Variants in TUT4 observed in about 807,000 individuals in gnomAD.
TUT4 encodes terminal uridylyl transferase 4.
TUT4 carries 36 observed loss-of-function variants against 192.2 expected under a neutral mutation model. That is an observed-to-expected ratio of 0.19 (90% CI 0.14 to 0.25). TUT4 has a LOEUF of 0.25. Among genes scored for constraint, TUT4 ranks in the 10% least tolerant of loss-of-function variants. The pLI is 1.00. For synonymous variants in TUT4, 618 were observed against 666.0 expected (o/e 0.93, Z 1.11); for missense variants, 1,493 against 1,957.2 (o/e 0.76, Z 4.47).
intron 20 of TUT4, among the ~76,000 whole-genome samples, chr1:52,450,870 T>C (rs966266805): frequency 5.3e-5 from 8 of 151,840 alleles, no homozygotes; most frequent in Admixed American, 5.3e-4. Flanking sequence ...AAATTTGTGG[T>C]CCATTTTTGT....
At chr1:52,521,194 A>G (rs1680177698) in intron 2 of TUT4, among the ~76,000 whole-genome samples, 1 of 152,236 alleles carries the variant, frequency 6.6e-6, no homozygotes, top group South Asian at 2.1e-4. Context: ...CATCACTTAT[A>G]TATTCCTAAT....
chr1:52,501,443 C>T (rs1444791192), intron 4 of TUT4, among the ~76,000 whole-genome samples: 5 of 98,398 alleles, frequency 5.1e-5, no homozygotes, highest in African/African-American at 8.1e-5. Flanking sequence ...TATGGGGGGG[C>T]GGGGGGAGGC....
intron 1 of TUT4, among the ~76,000 whole-genome samples, chr1:52,534,340 C>T (rs1014751288): frequency 6.6e-6 from 1 of 152,078 alleles, no homozygotes; most frequent in African/African-American, 2.4e-5. Flanking sequence ...CCAAACTGAA[C>T]GTGATCAAAA....
chr1:52,448,936 G>A (rs1427168095), intron 20 of TUT4, among the ~76,000 whole-genome samples: 1 of 152,144 alleles, frequency 6.6e-6, no homozygotes, highest in African/African-American at 2.4e-5. Context: ...TAACACAGTG[G>A]AGTAGGTCTG....
chr1:52,438,967 G>A (rs2148312462), intron 24 of TUT4, among the ~76,000 whole-genome samples: 1 of 151,900 alleles, frequency 6.6e-6, no homozygotes, highest in South Asian at 2.1e-4. Flanking sequence ...CTATTCAGGA[G>A]GAAGAGACAG....
chr1:52,513,410 A>G (rs1225295767), intron 3 of TUT4, among the ~76,000 whole-genome samples: 14 of 150,486 alleles, frequency 9.3e-5, no homozygotes, highest in Admixed American at 7.3e-4. Context: ...AAAAAAAAAA[A>G]AAAAGTACAA....
At chr1:52,486,274 C>G (rs879855393) in intron 9 of TUT4, among the ~76,000 whole-genome samples, 5 of 152,026 alleles carry the variant, frequency 3.3e-5, no homozygotes, top group African/African-American at 4.8e-5. Context: ...TTACATTAAC[C>G]ACGACAAGTG....
intron 1 of TUT4, among the ~76,000 whole-genome samples, chr1:52,528,910 A>G (rs942004257): frequency 5.9e-5 from 9 of 151,952 alleles, no homozygotes; most frequent in African/African-American, 1.9e-4. Flanking sequence ...ACAAAGTCTC[A>G]CTATGTTGCT....
chr1:52,529,553 G>T (rs1318403802), intron 1 of TUT4, among the ~76,000 whole-genome samples: 1 of 151,960 alleles, frequency 6.6e-6, no homozygotes, highest in East Asian at 1.9e-4. Context: ...AATTTTTAAT[G>T]CTAGTCTGCT....
At chr1:52,454,304 G>A (rs1385830207) in intron 20 of TUT4, among the ~76,000 whole-genome samples, 2 of 152,152 alleles carry the variant, frequency 1.3e-5, no homozygotes, top group African/African-American at 4.8e-5. Flanking sequence ...CTGCAAGACT[G>A]ATGCAACCCA....
chr1:52,532,735 A>G (rs1683833793), intron 1 of TUT4, among the ~76,000 whole-genome samples: 1 of 152,182 alleles, frequency 6.6e-6, no homozygotes, highest in African/African-American at 2.4e-5. Context: ...TCCTCCTAGG[A>G]TGATTTTAAT....
At chr1:52,508,175 T>C (rs1213702170) in intron 4 of TUT4, among the ~76,000 whole-genome samples, 1 of 151,718 alleles carries the variant, frequency 6.6e-6, no homozygotes, top group Admixed American at 6.6e-5. Flanking sequence ...CTATTAAAAA[T>C]ACAAAAATCA....
At chr1:52,528,178 C>CAAAAAAAAAAAAAAAAAAAA (rs1557967335) in intron 1 of TUT4, among the ~76,000 whole-genome samples, 1 of 143,370 alleles carries the variant, frequency 7.0e-6, no homozygotes, top group African/African-American at 2.6e-5. Flanking sequence ...GACTCCATCT[C>CAAAAAAAAAAAAAAAAAAAA]GAAAAAAATA....
At chr1:52,445,019 GTATATATGTGTATA>G (rs1210244321) in intron 24 of TUT4, among the ~76,000 whole-genome samples, 4 of 129,238 alleles carry the variant, frequency 3.1e-5, no homozygotes, top group African/African-American at 8.1e-5. Context: ...GTATATATAT[GTATATATGTGTATA>G]TATATATGTG....
At chr1:52,532,130 G>A (rs1467422084) in intron 1 of TUT4, among the ~76,000 whole-genome samples, 3 of 151,100 alleles carry the variant, frequency 2.0e-5, no homozygotes, top group African/African-American at 4.9e-5. Context: ...TGCCCGCCTC[G>A]GCCTCCCAAA....
In TUT4 at chr1:52,475,072, CTCT is replaced by C. The variant is rs1666748808; in HGVS notation, c.2484_2486del (p.Glu829del). The C allele has an allele frequency of 6.2e-7, 1 of 1,614,102 alleles. No individual in the cohort carries two copies. The highest frequency in any genetic ancestry group is 1.1e-5 in the South Asian group (1 of 91,078). ...AATCAATGCAATTACATTGGCTGAG[CTCT>C]TTTTTTAAACAAGTTTCTGAAGGCG... On this transcript the variant is annotated inframe_deletion, in exon 13 of 30. Transcript: ENST00000257177.
At chr1:52,522,600 A>C (rs1680570151) in intron 2 of TUT4, among the ~76,000 whole-genome samples, 1 of 152,200 alleles carries the variant, frequency 6.6e-6, no homozygotes, top group Admixed American at 6.5e-5. Flanking sequence ...CTATCTCTCT[A>C]TGTCATCTCA....
At chr1:52,449,769 A>G (rs1026090329) in intron 20 of TUT4, among the ~76,000 whole-genome samples, 1 of 152,148 alleles carries the variant, frequency 6.6e-6, no homozygotes, top group African/African-American at 2.4e-5. Flanking sequence ...TTATGAAACT[A>G]TTACTTCCCA....
intron 15 of TUT4, among the ~76,000 whole-genome samples, chr1:52,465,488 T>A (rs181682722): frequency 6.8e-4 from 103 of 152,348 alleles, no homozygotes; most frequent in African/African-American, 2.4e-3. Flanking sequence ...TACCATCATG[T>A]ACACAGATGC....
Sources: gnomAD v4.1 joint callset for allele counts (sites outside exome capture counted in the v4.1 genomes callset) on GRCh38, gnomAD v4.1.1 for gene constraint, MANE v1.5 for transcripts, NCBI Gene and HGNC (gene_info 2026-07-23, HGNC 2026-07-21) for gene names.